RNF19A: variants seen among roughly 807,000 people sequenced by gnomAD.
The protein encoded by RNF19A is ring finger protein 19A, RBR E3 ubiquitin protein ligase.
A neutral mutation model predicts 75.7 loss-of-function variants in RNF19A; 32 were observed. That is an observed-to-expected ratio of 0.42 (90% CI 0.32 to 0.57). The LOEUF is 0.57. RNF19A is among the 20% of genes least tolerant of loss of function. The pLI, the probability that RNF19A is intolerant of heterozygous loss-of-function variation, is 0.10. For missense variants in RNF19A, 782 were observed against 1,036.3 expected (o/e 0.75, Z 3.37); for synonymous variants, 335 against 345.2 (o/e 0.97, Z 0.33).
At chr8:100,310,745 C>T (rs1228493606), upstream of RNF19A, among the ~76,000 whole-genome samples, 1 of 138,270 alleles carries the variant, frequency 7.2e-6, no homozygotes, top group Non-Finnish European at 1.5e-5. Flanking sequence ...ATCTTCCATT[C>T]ATCTCTTTTA....
intron 5 of RNF19A, among the ~76,000 whole-genome samples, chr8:100,267,059 C>A (rs1820016822): frequency 6.6e-6 from 1 of 152,146 alleles, no homozygotes; most frequent in African/African-American, 2.4e-5. Flanking sequence ...ACAGATCTGA[C>A]TCAAACGTAA....
chr8:100,278,166 C>T (rs182399729), intron 2 of RNF19A, among the ~76,000 whole-genome samples: 81 of 152,326 alleles, frequency 5.3e-4, no homozygotes, highest in Admixed American at 4.4e-3. Context: ...CAGTATTCAG[C>T]CAAAATAATC....
chr8:100,312,355 G>A (rs1443196894), upstream of RNF19A: 1 of 152,310 alleles, frequency 6.6e-6, no homozygotes, highest in East Asian at 1.9e-4. Context: ...TGTAGTCCTA[G>A]CACTTTGAGA....
At chr8:100,310,511 G>A (rs746942147), upstream of RNF19A, among the ~76,000 whole-genome samples, 3 of 152,236 alleles carry the variant, frequency 2.0e-5, no homozygotes, top group Non-Finnish European at 2.9e-5. Flanking sequence ...CAGTTTGCCC[G>A]GCATTATTCA....
At chr8:100,274,401 A>G (rs1055392842) in intron 3 of RNF19A, among the ~76,000 whole-genome samples, 3 of 152,228 alleles carry the variant, frequency 2.0e-5, no homozygotes, top group Non-Finnish European at 4.4e-5. Context: ...AATCTTTAGG[A>G]AAGAGAAGCA....
At chr8:100,304,216 C>T (rs766195743) in intron 1 of RNF19A, among the ~76,000 whole-genome samples, 1 of 152,076 alleles carries the variant, frequency 6.6e-6, no homozygotes, top group African/African-American at 2.4e-5. Flanking sequence ...CCCACCTTGG[C>T]CTCCCAAAGT....
At chr8:100,278,218 T>A (rs970070767) in intron 2 of RNF19A, among the ~76,000 whole-genome samples, 3 of 152,254 alleles carry the variant, frequency 2.0e-5, no homozygotes, top group Non-Finnish European at 4.4e-5. Flanking sequence ...AATAAGCACA[T>A]GGCTGCTTTG....
At chr8:100,282,412 A>T (rs1333020376) in intron 2 of RNF19A, among the ~76,000 whole-genome samples, 1 of 152,212 alleles carries the variant, frequency 6.6e-6, no homozygotes, top group Non-Finnish European at 1.5e-5. Flanking sequence ...CTACCCACAT[A>T]GTATATTTAA....
intron 3 of RNF19A, among the ~76,000 whole-genome samples, chr8:100,274,317 G>A (rs985960376): frequency 5.9e-5 from 9 of 152,132 alleles, no homozygotes; most frequent in Non-Finnish European, 1.3e-4. Flanking sequence ...AACAGTTTAG[G>A]TATATTCAGG....
In RNF19A at chr8:100,324,469, A is replaced by G. The variant is rs999533064; in HGVS notation, c.-242-11097T>C. ...ATTCTTGTTTTTCTTTAAAACAAACAATGGATTCCCTTGAAATACTACATT... is the reference window on the plus strand; with the variant it reads ...ATTCTTGTTTTTCTTTAAAACAAACGATGGATTCCCTTGAAATACTACATT... On this transcript the variant is annotated intron_variant, in intron 1 of 3. Transcript: ENST00000519527. The surrounding 1 kb of genome is among the most constrained non-coding windows in gnomAD (Gnocchi z 4.2). 3.3e-5 allele frequency among the ~76,000 whole-genome samples: 5 copies of G among 152,218 alleles called. No individual in the cohort carries two copies. The highest frequency in any genetic ancestry group is 1.2e-4 in the African/African-American group (5 of 41,454).
chr8:100,263,992 C>T lies in RNF19A; in HGVS notation c.1468+42G>A, dbSNP rs749098267. ...ATCTCTGGCCTCCCCACTACTTACA[C>T]TGTTAATAAGCACATTTTCTTCCTT... On this transcript the variant is annotated intron_variant, in intron 7 of 9. Coordinates refer to ENST00000341084, the MANE Select transcript of RNF19A (RefSeq NM_183419.4). The T allele has an allele frequency of 6.4e-6, 10 of 1,568,956 alleles. No homozygotes were observed. The African/African-American group carries it at 9.5e-5, about 15-fold the overall frequency.
In RNF19A at chr8:100,323,778, G is replaced by T. The variant is rs1419131921; in HGVS notation, c.-242-10406C>A. Among the ~76,000 whole-genome samples the T allele has an allele frequency of 6.6e-6, 1 of 152,212 alleles. No homozygotes were observed. The highest frequency in any genetic ancestry group is 1.5e-5 in the Non-Finnish European group (1 of 68,040). On this transcript the variant is annotated intron_variant, in intron 1 of 3. Transcript: ENST00000519527. This position sits in a 1 kb window ranked among gnomAD's most constrained non-coding sequence, Gnocchi z 4.6. ...TATCAGCTGATATTTAGGGCTGGAA[G>T]GGAAAATTTAGGGCCCTGTGTTAAC...
At chr8:100,266,139 C>T (rs1415647488) in intron 5 of RNF19A, among the ~76,000 whole-genome samples, 2 of 152,218 alleles carry the variant, frequency 1.3e-5, no homozygotes, top group East Asian at 1.9e-4. Flanking sequence ...TTTCTGTTTA[C>T]TATTTTTTGC....
intron 2 of RNF19A, among the ~76,000 whole-genome samples, chr8:100,282,003 C>CT (rs1464628180): frequency 6.6e-6 from 1 of 152,148 alleles, no homozygotes; most frequent in East Asian, 1.9e-4. Flanking sequence ...CATTCTGGTT[C>CT]TTTTTTCCAC....
intron 5 of RNF19A, among the ~76,000 whole-genome samples, chr8:100,266,836 T>A (rs1820004698): frequency 6.6e-6 from 1 of 152,218 alleles, no homozygotes; most frequent in Non-Finnish European, 1.5e-5. Flanking sequence ...AGTCCAGGTT[T>A]ACTCACTTAA....
At position 100,322,607 on chromosome 8, in the gene RNF19A, G is replaced by T. The variant is rs1435694772; in HGVS notation, c.-242-9235C>A. Among the ~76,000 whole-genome samples the T allele has an allele frequency of 6.6e-6, 1 of 152,182 alleles. No homozygotes were observed. Among genetic ancestry groups the T allele is most frequent in the African/African-American group, 2.4e-5 (1 of 41,434 alleles). On this transcript the variant is annotated intron_variant, in intron 1 of 3. Transcript: ENST00000519527. The surrounding 1 kb of genome is among the most constrained non-coding windows in gnomAD (Gnocchi z 5.1). The stretch of plus-strand genomic sequence containing the variant: ...TTTGCATTTACAACTTGGCTAACTG[G>T]CATAAGAGGCCTAGCTTTCAGCCTA...
Position 100,268,908 on chromosome 8 carries a change from G to A in RNF19A, c.1068C>T (p.Ser356=), listed in dbSNP as rs1362420044. 3 of 1,597,542 alleles carry A rather than the reference G, an allele frequency of 1.9e-6. No homozygotes were observed. Among genetic ancestry groups the A allele is most frequent in the Non-Finnish European group, 2.6e-6 (3 of 1,170,650 alleles). ...GTTGCCACAATATTTTCTTCTTTCG[G>A]CTCCAGGGTTTCTTCCCCCAAAAAG... ...GCTFWGKKPW[S]RKKKILWQLG... Residue 356 remains serine (S), a synonymous_variant, in exon 5 of 10, where the codon AGC becomes AGT. Transcript: ENST00000341084.
At chr8:100,270,826 T>G (rs1054131202) in intron 3 of RNF19A, among the ~76,000 whole-genome samples, 1 of 152,162 alleles carries the variant, frequency 6.6e-6, no homozygotes, top group African/African-American at 2.4e-5. Context: ...CTATGCTCCT[T>G]GTATAATAAT....
Position 100,323,682 on chromosome 8 carries a change from C to A in RNF19A, c.-242-10310G>T, listed in dbSNP as rs1822492370. ...ATTTCCTAGCAAATGTGGTCAGAAC[C>A]CAAAATGGCTAATTGAAAGTTTGTG... On this transcript the variant is annotated intron_variant, in intron 1 of 3. Transcript: ENST00000519527. This position sits in a 1 kb window ranked among gnomAD's most constrained non-coding sequence, Gnocchi z 4.6. 6.6e-6 allele frequency among the ~76,000 whole-genome samples: 1 copy of A among 152,058 alleles called. No homozygotes were observed. Among genetic ancestry groups the A allele is most frequent in the Admixed American group, 6.6e-5 (1 of 15,260 alleles).
Sources: gnomAD v4.1 joint callset for allele counts (sites outside exome capture counted in the v4.1 genomes callset) on GRCh38, gnomAD v4.1.1 for gene constraint, Gnocchi (gnomAD v3.1) non-coding constraint, MANE v1.5 for transcripts, NCBI Gene and HGNC (gene_info 2026-07-23, HGNC 2026-07-21) for gene names.